The following PATJ variants were observed in gnomAD, a reference collection of about 807,000 sequenced individuals.
The protein encoded by PATJ is PATJ crumbs cell polarity complex component, also known as inaD-like protein.
PATJ carries 190 observed loss-of-function variants against 224.9 expected under a neutral mutation model. The ratio of observed to expected loss-of-function variants is 0.84; its 90% CI spans 0.75 to 0.95. The LOEUF (loss-of-function observed/expected upper bound fraction) is 0.95. PATJ is among the 40% of genes least tolerant of loss of function. The probability of loss-of-function intolerance (pLI) is 0.00; values close to 1 mark genes in which losing one functional copy is unlikely to be tolerated. For synonymous variants in PATJ, 769 were observed against 820.3 expected, an observed-to-expected ratio of 0.94 and a Z score of 1.07; for missense variants, 2,121 against 2,270.3, an observed-to-expected ratio of 0.93 and a Z score of 1.34.
At chr1:62,074,809 C>A (rs1172549859) in intron 31 of PATJ, among the ~76,000 whole-genome samples, 2 of 152,016 alleles carry the variant, frequency 1.3e-5, no homozygotes, top group African/African-American at 2.4e-5. Flanking sequence ...ACTAAAAATA[C>A]CAAAATTAGC....
chr1:62,139,229 C>T (rs1006881869), intron 41 of PATJ, among the ~76,000 whole-genome samples: 5 of 151,754 alleles, frequency 3.3e-5, no homozygotes, highest in African/African-American at 7.3e-5. Context: ...GGTGAAACCC[C>T]GTCTCTACCA....
chr1:62,020,937 T>G (rs1036478738), intron 29 of PATJ, among the ~76,000 whole-genome samples: 141 of 152,078 alleles, frequency 9.3e-4, no homozygotes, highest in African/African-American at 3.3e-3. Context: ...ACAATTCTCA[T>G]GCCTCAATCT....
chr1:61,970,421 C>A (rs1262311404), intron 27 of PATJ, among the ~76,000 whole-genome samples: 3 of 151,984 alleles, frequency 2.0e-5, no homozygotes, highest in Admixed American at 2.0e-4. Context: ...AGAATTCACT[C>A]TTGGTATATG....
chr1:61,864,295 C>A lies in PATJ; in HGVS notation c.2497C>A (p.Leu833Met), dbSNP rs777155293. The A allele has an allele frequency of 1.2e-6, 2 of 1,613,112 alleles. No individual in the cohort carries two copies. The highest frequency in any genetic ancestry group is 2.2e-5 in the South Asian group (2 of 90,998). Residue 833 changes from leucine to methionine, a missense_variant, in exon 20 of 44, where the codon CTG (leucine) becomes ATG (methionine). Coordinates refer to ENST00000642238, the MANE Select transcript of PATJ (RefSeq NM_001350145.3). ...ACTTGTGGATGAACCATTTCTAGAT[C>A]TGGGAAAGTCTTTCCATTCCCAACA... ...EELVDEPFLD[L>M]GKSFHSQQKE...
chr1:62,110,592 C>T lies in PATJ; in HGVS notation c.4461+2072C>T, dbSNP rs528027395. On this transcript the variant is annotated intron_variant, in intron 34 of 43. Coordinates refer to ENST00000642238, the MANE Select transcript of PATJ (RefSeq NM_001350145.3). The stretch of plus-strand genomic sequence containing the variant: ...TTTATGATTCTATTAATATGATGAG[C>T]GTCAGCTGTGTCTCCTTTCTGGTTC... Among the ~76,000 whole-genome samples the T allele has an allele frequency of 2.6e-5, 4 of 152,200 alleles. No individual in the cohort carries two copies. The South Asian group carries it at 8.3e-4, about 32-fold the overall frequency.
intron 17 of PATJ, among the ~76,000 whole-genome samples, chr1:61,851,259 T>C (rs899198889): frequency 2.0e-5 from 3 of 152,198 alleles, no homozygotes; most frequent in African/African-American, 7.2e-5. Context: ...TATATTATGA[T>C]AAATGCTGTA....
At chr1:62,128,338 C>G (rs1665937025) in intron 40 of PATJ, 1 of 437,254 alleles carries the variant, frequency 2.3e-6, no homozygotes, top group Non-Finnish European at 4.0e-6. Flanking sequence ...TTTGCAAACC[C>G]TCCTTTACCC....
At chr1:62,156,686 T>A (rs1204690774) in intron 43 of PATJ, among the ~76,000 whole-genome samples, 4 of 141,602 alleles carry the variant, frequency 2.8e-5, no homozygotes, top group African/African-American at 1.0e-4. Flanking sequence ...GAAGCTGAGG[T>A]AGGAGGATGG....
chr1:61,964,413 GA>G, intron 27 of PATJ, among the ~76,000 whole-genome samples: 1 of 152,132 alleles, frequency 6.6e-6, no homozygotes, highest in Non-Finnish European at 1.5e-5. Context: ...ATGTGTTCTC[GA>G]CTATTCTTAA....
At chr1:62,055,053 CAAAAAAAAGA>C (rs1017142541) in intron 31 of PATJ, among the ~76,000 whole-genome samples, 1 of 149,014 alleles carries the variant, frequency 6.7e-6, no homozygotes, top group African/African-American at 2.5e-5. Context: ...GACTGTGTCT[CAAAAAAAAGA>C]AAAAAAAATT....
chr1:61,976,500 G>T (rs1644139977), intron 27 of PATJ, among the ~76,000 whole-genome samples: 1 of 151,942 alleles, frequency 6.6e-6, no homozygotes, highest in Non-Finnish European at 1.5e-5. Context: ...TCTGCCTCTT[G>T]GTTTTAAGTG....
intron 27 of PATJ, among the ~76,000 whole-genome samples, chr1:61,968,299 A>T (rs1263591756): frequency 1.3e-5 from 2 of 152,160 alleles, no homozygotes; most frequent in Non-Finnish European, 2.9e-5. Flanking sequence ...TAGAATACAC[A>T]TGGGGTCTCC....
chr1:61,958,521 C>A (rs906559496), intron 27 of PATJ, among the ~76,000 whole-genome samples: 1 of 152,158 alleles, frequency 6.6e-6, no homozygotes, highest in African/African-American at 2.4e-5. Flanking sequence ...AAGTACCCTA[C>A]CATTTGTAAA....
chr1:62,015,405 AG>A (rs1191262295), intron 28 of PATJ, among the ~76,000 whole-genome samples: 1 of 152,200 alleles, frequency 6.6e-6, no homozygotes, highest in East Asian at 1.9e-4. Flanking sequence ...TAAAATGTAA[AG>A]GCATTATCTT....
At chr1:62,098,238 A>G (rs1048962835) in intron 33 of PATJ, among the ~76,000 whole-genome samples, 2 of 151,962 alleles carry the variant, frequency 1.3e-5, no homozygotes, top group Admixed American at 6.6e-5. Context: ...GGGTGCCTGT[A>G]GTTCCAGCTA....
At chr1:61,944,636 A>C (rs1026125934) in intron 27 of PATJ, among the ~76,000 whole-genome samples, 4 of 152,228 alleles carry the variant, frequency 2.6e-5, no homozygotes, top group Non-Finnish European at 4.4e-5. Flanking sequence ...AATGGAACCA[A>C]GTTGGAAAAC....
At chr1:62,060,496 T>C (rs1310792610) in intron 31 of PATJ, among the ~76,000 whole-genome samples, 2 of 151,874 alleles carry the variant, frequency 1.3e-5, no homozygotes, top group Non-Finnish European at 2.9e-5. Context: ...GCCTCCCAAG[T>C]AGCTAGGACT....
chr1:61,781,200 C>A (rs1447471597), intron 7 of PATJ, among the ~76,000 whole-genome samples: 2 of 152,100 alleles, frequency 1.3e-5, no homozygotes, highest in East Asian at 1.9e-4. Flanking sequence ...TAGTGTTTTC[C>A]TTTTCCTGAT....
intron 17 of PATJ, among the ~76,000 whole-genome samples, chr1:61,836,528 G>A (rs998546728): frequency 6.6e-6 from 1 of 152,164 alleles, no homozygotes; most frequent in Admixed American, 6.5e-5. Context: ...TCCTAACTTG[G>A]ATGCTTTTCT....
Sources: gnomAD v4.1 joint callset for allele counts (sites outside exome capture counted in the v4.1 genomes callset) on GRCh38, gnomAD v4.1.1 for gene constraint, MANE v1.5 for transcripts, NCBI Gene and HGNC (gene_info 2026-07-23, HGNC 2026-07-21) for gene names.